Variants in KIF6 observed in about 807,000 individuals in gnomAD.
KIF6 encodes kinesin-like protein KIF6.
Under a neutral mutation model 112.7 loss-of-function variants are expected in KIF6, and 106 were observed. That is an observed-to-expected ratio of 0.94 (90% CI 0.80 to 1.11). KIF6 has a LOEUF of 1.11. Ranked by LOEUF, KIF6 falls within the 50% of genes least tolerant of loss-of-function variation. KIF6 has a pLI of 0.00. For missense variants in KIF6, 929 were observed against 964.0 expected, an observed-to-expected ratio of 0.96 and a Z score of 0.48; for synonymous variants, 339 against 339.9, an observed-to-expected ratio of 1.00 and a Z score of 0.03.
chr6:39,469,247 A>C (rs1486820956), intron 13 of KIF6, among the ~76,000 whole-genome samples: 2 of 152,184 alleles, frequency 1.3e-5, no homozygotes, highest in Non-Finnish European at 2.9e-5. Context: ...AAAATAAAGC[A>C]TTAAAGGAGG....
chr6:39,412,156 T>C (rs1279703758), intron 15 of KIF6, among the ~76,000 whole-genome samples: 1 of 152,226 alleles, frequency 6.6e-6, no homozygotes, highest in African/African-American at 2.4e-5. Context: ...CTAGTGAAGG[T>C]ACACTACAGC....
chr6:39,421,807 C>T (rs1031668358), intron 14 of KIF6, among the ~76,000 whole-genome samples: 8 of 152,196 alleles, frequency 5.3e-5, no homozygotes, highest in Non-Finnish European at 1.2e-4. Context: ...TACAGTTCCA[C>T]TTGATGCAAT....
chr6:39,495,563 C>G (rs1775736413), intron 13 of KIF6, among the ~76,000 whole-genome samples: 1 of 152,140 alleles, frequency 6.6e-6, no homozygotes, highest in Non-Finnish European at 1.5e-5. Context: ...CAGTGATTCT[C>G]TGGAAGGTTA....
rs748098709 is a variant in KIF6, at chr6:39,596,264, TA to T, written c.640-5del. ...TTGAAGCTTGGTTCATAGGAGTCTATAAAAAAATTGCAAAACAAAAATTATT... is the reference window on the plus strand; with the variant it reads ...TTGAAGCTTGGTTCATAGGAGTCTATAAAAAATTGCAAAACAAAAATTATT... On this transcript the variant is annotated splice_polypyrimidine_tract_variant and splice_region_variant and intron_variant, in intron 6 of 22. Transcript: ENST00000287152. 2.4e-5 allele frequency: 39 copies of T among 1,601,916 alleles called. No homozygotes were observed. In the African/African-American group the frequency reaches 3.1e-4, roughly 13 times the overall value.
chr6:39,699,211 G>C (rs1359039574), intron 3 of KIF6, among the ~76,000 whole-genome samples: 2 of 152,014 alleles, frequency 1.3e-5, no homozygotes, highest in African/African-American at 4.8e-5. Flanking sequence ...GATGATAAGT[G>C]CTATGAAAAA....
intron 3 of KIF6, 84 bp from the exon 4 acceptor site, chr6:39,639,841 T>A: frequency 1.8e-6 from 2 of 1,126,462 alleles, no homozygotes; most frequent in Non-Finnish European, 2.5e-6. Flanking sequence ...ATAACAATCT[T>A]ATTAAACACT....
Position 39,535,076 on chromosome 6 carries a change from A to G in KIF6, c.1645+4927T>C, listed in dbSNP as rs530755355. ...TCCTGAAGGAAGCACTAAACATGGA[A>G]AGGAACAACTGGTACCAGCCACTGC... On this transcript the variant is annotated intron_variant, in intron 13 of 22. Transcript: ENST00000287152. 5.3e-5 allele frequency among the ~76,000 whole-genome samples: 8 copies of G among 152,344 alleles called. No homozygotes were observed. The East Asian group carries it at 1.3e-3, about 26-fold the overall frequency.
intron 3 of KIF6, among the ~76,000 whole-genome samples, chr6:39,649,604 C>T (rs1785355906): frequency 1.3e-5 from 2 of 152,232 alleles, no homozygotes; most frequent in Non-Finnish European, 2.9e-5. Flanking sequence ...ACAGATACCA[C>T]CACTCCATCT....
chr6:39,617,855 A>G (rs1311853433), intron 5 of KIF6: 8 of 419,898 alleles, frequency 1.9e-5, no homozygotes, highest in Non-Finnish European at 3.4e-5. Flanking sequence ...GATATGTTTC[A>G]CATGTTGTAA....
At chr6:39,337,470 G>A (rs138451991) in intron 22 of KIF6, among the ~76,000 whole-genome samples, 2,305 of 151,516 alleles carry the variant, frequency 0.015, 49 homozygotes, top group African/African-American at 0.052. Flanking sequence ...CCACCACCAC[G>A]TCTGGCTAAT....
At chr6:39,496,467 A>C (rs981425844) in intron 13 of KIF6, among the ~76,000 whole-genome samples, 1 of 152,156 alleles carries the variant, frequency 6.6e-6, no homozygotes, top group Non-Finnish European at 1.5e-5. Flanking sequence ...GTGAGGGCAT[A>C]AGTAACTTCC....
chr6:39,540,340 G>A (rs1031694600), intron 12 of KIF6, 119 bp from the exon 13 acceptor site: 6 of 691,864 alleles, frequency 8.7e-6, no homozygotes, highest in Non-Finnish European at 1.2e-5. Flanking sequence ...AAAGACTGAA[G>A]GAAGGCTTCA....
intron 13 of KIF6, among the ~76,000 whole-genome samples, chr6:39,520,961 GT>G (rs906730401): frequency 1.3e-5 from 2 of 152,216 alleles, no homozygotes; most frequent in African/African-American, 2.4e-5. Context: ...TAAAGATCAT[GT>G]TTTTTGCTAC....
chr6:39,537,315 C>T (rs577757536), intron 13 of KIF6, among the ~76,000 whole-genome samples: 230 of 152,216 alleles, frequency 1.5e-3, no homozygotes, highest in African/African-American at 5.3e-3. Context: ...ATCTAGAAAA[C>T]CCCATTGTCT....
At chr6:39,694,899 C>T (rs541488215) in intron 3 of KIF6, among the ~76,000 whole-genome samples, 1 of 152,190 alleles carries the variant, frequency 6.6e-6, no homozygotes, top group South Asian at 2.1e-4. Flanking sequence ...AGAGGTATCA[C>T]ATTACCCAAC....
At chr6:39,661,092 A>G (rs1212742790) in intron 3 of KIF6, among the ~76,000 whole-genome samples, 2 of 152,232 alleles carry the variant, frequency 1.3e-5, no homozygotes, top group Admixed American at 1.3e-4. Context: ...TACTGTTTCA[A>G]AATGAACCTA....
intron 3 of KIF6, among the ~76,000 whole-genome samples, chr6:39,694,990 A>G (rs906494800): frequency 6.6e-6 from 1 of 152,186 alleles, no homozygotes; most frequent in Non-Finnish European, 1.5e-5. Flanking sequence ...AATGGAATAC[A>G]ATAGACACTC....
At chr6:39,566,044 G>C (rs750301606) in intron 10 of KIF6, among the ~76,000 whole-genome samples, 1 of 152,152 alleles carries the variant, frequency 6.6e-6, no homozygotes. Flanking sequence ...TCCACATCTC[G>C]ATGTTGGACA....
At chr6:39,704,696 T>C (rs775698793) in intron 3 of KIF6, among the ~76,000 whole-genome samples, 2 of 152,184 alleles carry the variant, frequency 1.3e-5, no homozygotes, top group African/African-American at 2.4e-5. Context: ...AGTATTAAAG[T>C]TGGGATCTGA....
Sources: allele counts gnomAD v4.1 joint callset (sites outside exome capture counted in the v4.1 genomes callset), GRCh38; gene constraint gnomAD v4.1.1; transcripts MANE v1.5; gene names NCBI Gene and HGNC (gene_info 2026-07-23, HGNC 2026-07-21).